Variants in TENM4 observed in about 807,000 individuals in gnomAD.
The protein encoded by TENM4 is teneurin transmembrane protein 4.
TENM4 carries 82 observed loss-of-function variants against 243.3 expected under a neutral mutation model. That is an observed-to-expected ratio of 0.34 (90% CI 0.28 to 0.40). TENM4 has a LOEUF of 0.40. Ranked by LOEUF, TENM4 falls within the 10% of genes least tolerant of loss-of-function variation. The pLI, the probability that TENM4 is intolerant of heterozygous loss-of-function variation, is 1.00. For synonymous variants in TENM4, 1,412 were observed against 1,456.3 expected, an observed-to-expected ratio of 0.97 and a Z score of 0.69; for missense variants, 3,138 against 3,673.3, an observed-to-expected ratio of 0.85 and a Z score of 3.77.
chr11:79,047,700 G>A (rs190848594), intron 6 of TENM4, among the ~76,000 whole-genome samples: 39 of 152,280 alleles, frequency 2.6e-4, no homozygotes, highest in Non-Finnish European at 5.0e-4. Flanking sequence ...GAGGATGCAG[G>A]TTCGGAGTCA....
chr11:79,312,728 C>A (rs1381299198), intron 1 of TENM4, among the ~76,000 whole-genome samples: 1 of 152,196 alleles, frequency 6.6e-6, no homozygotes, highest in Non-Finnish European at 1.5e-5. Flanking sequence ...CCCAACACTT[C>A]TTGGTTGGAA....
At chr11:79,270,094 T>TC (rs1565276980) in intron 2 of TENM4, among the ~76,000 whole-genome samples, 1 of 151,700 alleles carries the variant, frequency 6.6e-6, no homozygotes, top group East Asian at 1.9e-4. Flanking sequence ...CAGGTTCCCA[T>TC]CCCCCTAGCA....
At chr11:78,844,631 A>T (rs1454678779) in intron 12 of TENM4, among the ~76,000 whole-genome samples, 2 of 151,026 alleles carry the variant, frequency 1.3e-5, no homozygotes, top group Non-Finnish European at 3.0e-5. Context: ...ACAGAGTGAG[A>T]CTCTGTCTAA....
intron 1 of TENM4, among the ~76,000 whole-genome samples, chr11:79,342,751 A>T (rs1430170852): frequency 6.6e-6 from 1 of 152,068 alleles, no homozygotes; most frequent in Non-Finnish European, 1.5e-5. Flanking sequence ...GAGGCTGAGA[A>T]ATTCTGCTCT....
chr11:78,932,455 G>A (rs1478499747), intron 6 of TENM4, among the ~76,000 whole-genome samples: 1 of 152,200 alleles, frequency 6.6e-6, no homozygotes, highest in African/African-American at 2.4e-5. Flanking sequence ...GAGGCCAGAA[G>A]GGTTCTGGAA....
intron 6 of TENM4, chr11:79,014,802 C>T (rs1391797424): frequency 1.3e-5 from 2 of 152,232 alleles, no homozygotes; most frequent in African/African-American, 2.4e-5. Context: ...TAATCTACCA[C>T]ACCTGTAGCC....
chr11:78,993,454 C>A (rs1372917722), intron 6 of TENM4, among the ~76,000 whole-genome samples: 1 of 152,024 alleles, frequency 6.6e-6, no homozygotes, highest in Non-Finnish European at 1.5e-5. Context: ...ATTATTTTTA[C>A]TGTTTTCATC....
At chr11:79,324,962 C>T (rs1257983138) in intron 1 of TENM4, among the ~76,000 whole-genome samples, 1 of 152,208 alleles carries the variant, frequency 6.6e-6, no homozygotes, top group Non-Finnish European at 1.5e-5. Flanking sequence ...CTCTCTGTGC[C>T]TTCAGTCCCT....
chr11:79,395,196 T>G (rs568083), intron 1 of TENM4, among the ~76,000 whole-genome samples: 56,051 of 152,086 alleles, frequency 0.37, 10,234 homozygotes, highest in African/African-American at 0.4. Context: ...CTCCCTGAAT[T>G]CCTACATCTC....
chr11:79,296,372 T>C (rs1026954124), intron 2 of TENM4, among the ~76,000 whole-genome samples: 1 of 152,184 alleles, frequency 6.6e-6, no homozygotes, highest in African/African-American at 2.4e-5. Context: ...CTCTCTGATA[T>C]GCTAAATCCC....
At chr11:79,332,091 A>C (rs945953951) in intron 1 of TENM4, among the ~76,000 whole-genome samples, 2 of 152,208 alleles carry the variant, frequency 1.3e-5, no homozygotes, top group African/African-American at 4.8e-5. Context: ...CAACCTGTAA[A>C]GTAGTTTTGA....
At chr11:79,405,901 C>T (rs537519973) in intron 1 of TENM4, among the ~76,000 whole-genome samples, 133 of 149,790 alleles carry the variant, frequency 8.9e-4, no homozygotes, top group South Asian at 4.1e-3. Flanking sequence ...CTCTTAACTG[C>T]ATGTCCTTAT....
At chr11:79,400,223 T>C (rs2135554745) in intron 1 of TENM4, among the ~76,000 whole-genome samples, 1 of 151,700 alleles carries the variant, frequency 6.6e-6, no homozygotes, top group Non-Finnish European at 1.5e-5. Context: ...ATCCATCCTG[T>C]TGGGTGATAT....
chr11:79,356,654 G>A (rs895455588), intron 1 of TENM4, among the ~76,000 whole-genome samples: 2 of 151,976 alleles, frequency 1.3e-5, no homozygotes, highest in African/African-American at 4.8e-5. Context: ...AATAGATAAC[G>A]AAAGGGCTTT....
chr11:79,045,749 A>G (rs1859641418), intron 6 of TENM4, among the ~76,000 whole-genome samples: 1 of 151,118 alleles, frequency 6.6e-6, no homozygotes, highest in Non-Finnish European at 1.5e-5. Context: ...AATTAGAAAA[A>G]GCCCCCAAAG....
intron 32 of TENM4, among the ~76,000 whole-genome samples, chr11:78,668,212 T>C (rs925090985): frequency 3.3e-5 from 5 of 152,246 alleles, no homozygotes; most frequent in African/African-American, 4.8e-5. Context: ...CCTCTTTTCC[T>C]GCCCTCTTTG....
At chr11:79,223,274 C>T (rs1363878502) in intron 2 of TENM4, among the ~76,000 whole-genome samples, 1 of 152,132 alleles carries the variant, frequency 6.6e-6, no homozygotes, top group East Asian at 1.9e-4. Flanking sequence ...TCTCAAATAG[C>T]CACAAGTGCT....
intron 1 of TENM4, among the ~76,000 whole-genome samples, chr11:79,376,264 A>T (rs1857889230): frequency 6.6e-6 from 1 of 152,208 alleles, no homozygotes; most frequent in South Asian, 2.1e-4. Flanking sequence ...AGGCACAAAG[A>T]TAGTAGGTGA....
At chr11:79,154,847 T>C (rs970228220) in intron 3 of TENM4, among the ~76,000 whole-genome samples, 8 of 152,204 alleles carry the variant, frequency 5.3e-5, no homozygotes, top group Non-Finnish European at 8.8e-5. Flanking sequence ...GGCCCACCTG[T>C]ATGTTGTCCA....
Sources: gnomAD v4.1 joint callset for allele counts (sites outside exome capture counted in the v4.1 genomes callset) on GRCh38, gnomAD v4.1.1 for gene constraint, MANE v1.5 for transcripts, NCBI Gene and HGNC (gene_info 2026-07-23, HGNC 2026-07-21) for gene names.